NR6A1: variants seen among roughly 807,000 people sequenced by gnomAD.
NR6A1 encodes the protein retinoic acid receptor-related testis-associated receptor.
In NR6A1, 7 loss-of-function variants were observed where a neutral mutation model predicts 59.1. The observed-to-expected ratio is 0.12, with a 90% CI of 0.07 to 0.22. The LOEUF is 0.22. Ranked by LOEUF, NR6A1 falls within the 10% of genes least tolerant of loss-of-function variation. NR6A1 has a pLI of 1.00. For missense variants in NR6A1, 468 were observed against 611.6 expected (o/e 0.77, Z 2.48); for synonymous variants, 243 against 236.1 (o/e 1.03, Z -0.27).
chr9:124,574,211 G>T (rs1044700023), intron 2 of NR6A1, among the ~76,000 whole-genome samples: 1 of 152,066 alleles, frequency 6.6e-6, no homozygotes, highest in Non-Finnish European at 1.5e-5. Flanking sequence ...TGTTGAATGG[G>T]TATATGTATG....
chr9:124,724,807 T>C (rs901381675), intron 2 of NR6A1, among the ~76,000 whole-genome samples: 1 of 152,208 alleles, frequency 6.6e-6, no homozygotes, highest in Non-Finnish European at 1.5e-5. Flanking sequence ...CACTATCAAC[T>C]GTTTCCCTTT....
intron 2 of NR6A1, among the ~76,000 whole-genome samples, chr9:124,610,648 T>A (rs906016529): frequency 4.6e-5 from 7 of 152,182 alleles, no homozygotes; most frequent in South Asian, 2.1e-4. Context: ...TACTTTTCAA[T>A]TGTTTGGAAT....
intron 2 of NR6A1, among the ~76,000 whole-genome samples, chr9:124,565,671 G>A (rs766190788): frequency 6.6e-6 from 1 of 152,114 alleles, no homozygotes; most frequent in Non-Finnish European, 1.5e-5. Flanking sequence ...TGTGAGACTT[G>A]AATAGGTGTG....
At chr9:124,747,601 T>A (rs1482429014) in intron 1 of NR6A1, among the ~76,000 whole-genome samples, 1 of 152,158 alleles carries the variant, frequency 6.6e-6, no homozygotes, top group Non-Finnish European at 1.5e-5. Flanking sequence ...ATAGGCTCCA[T>A]CAATTTCAAC....
intron 1 of NR6A1, among the ~76,000 whole-genome samples, chr9:124,770,643 G>A (rs1356244140): frequency 2.1e-5 from 3 of 143,808 alleles, no homozygotes; most frequent in Non-Finnish European, 4.6e-5. Context: ...GGGAGGGGAA[G>A]GTTCGGTGCT....
intron 2 of NR6A1, among the ~76,000 whole-genome samples, chr9:124,679,125 T>C (rs531353269): frequency 6.6e-6 from 1 of 152,212 alleles, no homozygotes; most frequent in Non-Finnish European, 1.5e-5. Flanking sequence ...CAAGTTCCCA[T>C]TCAAGATACT....
intron 2 of NR6A1, among the ~76,000 whole-genome samples, chr9:124,657,421 G>C (rs1446603336): frequency 2.0e-5 from 3 of 152,128 alleles, no homozygotes; most frequent in African/African-American, 7.2e-5. Flanking sequence ...AAAGAGACAA[G>C]AAAGTCCACG....
chr9:124,602,799 T>C (rs1316969295), intron 2 of NR6A1, among the ~76,000 whole-genome samples: 1 of 152,206 alleles, frequency 6.6e-6, no homozygotes, highest in African/African-American at 2.4e-5. Flanking sequence ...CAGGAACCTA[T>C]GGTATAAAGG....
At chr9:124,614,923 A>G (rs1835846484) in intron 2 of NR6A1, among the ~76,000 whole-genome samples, 1 of 152,214 alleles carries the variant, frequency 6.6e-6, no homozygotes, top group Admixed American at 6.5e-5. Flanking sequence ...GGCTCTTCAC[A>G]ATCTTATTTG....
At chr9:124,727,389 CATA>C (rs1361285466) in intron 2 of NR6A1, among the ~76,000 whole-genome samples, 2 of 152,088 alleles carry the variant, frequency 1.3e-5, no homozygotes, top group African/African-American at 2.4e-5. Context: ...CTTAAAATGG[CATA>C]ATAATTCTGT....
chr9:124,667,101 T>A (rs949615233), intron 2 of NR6A1, among the ~76,000 whole-genome samples: 2 of 150,798 alleles, frequency 1.3e-5, no homozygotes, highest in African/African-American at 2.4e-5. Context: ...AGTGGCGCAA[T>A]GTCGGCTCAC....
At chr9:124,721,694 T>C (rs1271434538) in intron 2 of NR6A1, among the ~76,000 whole-genome samples, 1 of 152,124 alleles carries the variant, frequency 6.6e-6, no homozygotes, top group African/African-American at 2.4e-5. Flanking sequence ...ACCACCCTAA[T>C]ACACGCAGAA....
chr9:124,604,824 T>A (rs187921762), intron 2 of NR6A1, among the ~76,000 whole-genome samples: 112 of 151,596 alleles, frequency 7.4e-4, no homozygotes, highest in Non-Finnish European at 1.3e-3. Flanking sequence ...AAAAAAAAAA[T>A]AATTTTTAAA....
At chr9:124,637,472 G>A (rs1836642425) in intron 2 of NR6A1, among the ~76,000 whole-genome samples, 1 of 152,028 alleles carries the variant, frequency 6.6e-6, no homozygotes, top group African/African-American at 2.4e-5. Flanking sequence ...TGCACTTAAC[G>A]CTCAAAACTC....
chr9:124,624,615 T>C, intron 2 of NR6A1, among the ~76,000 whole-genome samples: 1 of 152,214 alleles, frequency 6.6e-6, no homozygotes, highest in East Asian at 1.9e-4. Flanking sequence ...CATGAGGCTA[T>C]TTCCCAAAAG....
At chr9:124,566,585 C>A (rs1163656928) in intron 2 of NR6A1, among the ~76,000 whole-genome samples, 1 of 152,128 alleles carries the variant, frequency 6.6e-6, no homozygotes, top group African/African-American at 2.4e-5. Flanking sequence ...GAATAGACTG[C>A]AATCGATATT....
chr9:124,678,429 T>C (rs1419357369), intron 2 of NR6A1, among the ~76,000 whole-genome samples: 1 of 152,238 alleles, frequency 6.6e-6, no homozygotes, highest in Non-Finnish European at 1.5e-5. Context: ...TGTGCACCAC[T>C]GTTGATATGC....
chr9:124,536,116 C>T lies in NR6A1; in HGVS notation c.841G>A (p.Ala281Thr), dbSNP rs1833258183. 6.2e-7 allele frequency: 1 copy of T among 1,613,364 alleles called. No homozygotes were observed. The highest frequency in any genetic ancestry group is 8.5e-7 in the Non-Finnish European group (1 of 1,179,550). Residue 281 changes from alanine (A) to threonine (T), a missense_variant, in exon 7 of 10, where the codon GCA (alanine) becomes ACA (threonine). Coordinates refer to ENST00000487099, the MANE Select transcript of NR6A1 (RefSeq NM_033334.4). Reference protein sequence around the residue: ...LIEDGYAVTQAELFALLCRLA... With the variant: ...LIEDGYAVTQTELFALLCRLA... ...CGGCAAAGCAGGGCAAATAGTTCTGCCTGTGTCACAGCGTATCTGAGGGGC... is the reference window on the plus strand; with the variant it reads ...CGGCAAAGCAGGGCAAATAGTTCTGTCTGTGTCACAGCGTATCTGAGGGGC...
intron 2 of NR6A1, among the ~76,000 whole-genome samples, chr9:124,731,623 C>A (rs1056319087): frequency 6.6e-6 from 1 of 152,144 alleles, no homozygotes; most frequent in African/African-American, 2.4e-5. Context: ...AAGACCAACC[C>A]CTCTTTCTCC....
Sources: allele counts gnomAD v4.1 joint callset (sites outside exome capture counted in the v4.1 genomes callset), GRCh38; gene constraint gnomAD v4.1.1; transcripts MANE v1.5; gene names NCBI Gene and HGNC (gene_info 2026-07-23, HGNC 2026-07-21).